The following PCDHA2 variants were observed in gnomAD, a reference collection of about 807,000 sequenced individuals.
PCDHA2 encodes protocadherin alpha-2.
PCDHA2 carries 58 observed loss-of-function variants against 66.0 expected under a neutral mutation model. That is an observed-to-expected ratio of 0.88 (90% confidence interval 0.71 to 1.09). The LOEUF (loss-of-function observed/expected upper bound fraction) is 1.09, where lower values mean the gene tolerates loss of function less well. Among genes scored for constraint, PCDHA2 ranks in the 50% least tolerant of loss-of-function variants. The pLI, the probability that PCDHA2 is intolerant of heterozygous loss-of-function variation, is 0.00. For missense variants in PCDHA2, 1,267 were observed against 1,242.3 expected, an observed-to-expected ratio of 1.02 and a Z score of -0.30; for synonymous variants, 634 against 554.0, an observed-to-expected ratio of 1.14 and a Z score of -2.03.
intron 1 of PCDHA2, chr5:140,842,575 G>A (rs2150339697): frequency 6.6e-7 from 1 of 1,509,128 alleles, no homozygotes; most frequent in South Asian, 1.2e-5. Flanking sequence ...GCGAGAGAGT[G>A]TCGGCCTATG....
At position 140,834,260 on chromosome 5, in the gene PCDHA2, C is replaced by T. The variant is rs2150214634; in HGVS notation, c.2388+36908C>T. The stretch of plus-strand genomic sequence containing the variant: ...CTTTTCGCACTGGAAAGACGCTCCA[C>T]TCTCTTTCACTCTTTGGATGCACAA... On this transcript the variant is annotated intron_variant, in intron 1 of 3. Transcript: ENST00000526136. The T allele has an allele frequency of 9.3e-6, 9 of 972,854 alleles. No homozygotes were observed. In the South Asian group the frequency reaches 1.5e-4, roughly 16 times the overall value. 60.3% of individuals were successfully genotyped at this position (972,854 alleles called of 1,614,324 possible).
At chr5:140,846,097 A>T (rs1554141144) in intron 1 of PCDHA2, among the ~76,000 whole-genome samples, 4 of 149,760 alleles carry the variant, frequency 2.7e-5, no homozygotes, top group Non-Finnish European at 1.5e-5. Flanking sequence ...CCTTCCAAGG[A>T]ATGTGTAGAC....
chr5:140,843,637 C>T (rs1289295729), intron 1 of PCDHA2: 2 of 1,595,812 alleles, frequency 1.3e-6, no homozygotes, highest in East Asian at 2.2e-5. Flanking sequence ...TCATGGCCTT[C>T]AGCCCCTGCC....
chr5:140,926,548 A>C, intron 1 of PCDHA2: 1 of 226,392 alleles, frequency 4.4e-6, no homozygotes, highest in Non-Finnish European at 8.5e-6. Flanking sequence ...GGTGGTCGAG[A>C]CCCCAGCCCG....
At chr5:140,851,790 T>A in intron 1 of PCDHA2, 1 of 955,904 alleles carries the variant, frequency 1.0e-6, no homozygotes, top group Non-Finnish European at 1.3e-6. Context: ...GAGAATTCAC[T>A]TGTTCTGTCA....
In PCDHA2 at chr5:141,010,527, G is replaced by T; in HGVS notation, c.*590G>T. On this transcript the variant is annotated 3_prime_UTR_variant, in exon 4 of 4. Transcript: ENST00000526136. ...AAATCTTACAACTCAAGAGGTGGCA[G>T]CCACCCTCTAGGAGACAAAACTACC... The T allele has an allele frequency of 2.3e-6, 1 of 431,062 alleles. No homozygotes were observed. Among genetic ancestry groups the T allele is most frequent in the African/African-American group, 2.0e-5 (1 of 49,970 alleles). 26.7% of individuals were successfully genotyped at this position (431,062 alleles called of 1,614,324 possible).
At chr5:140,818,735 G>C (rs1766429192) in intron 1 of PCDHA2, among the ~76,000 whole-genome samples, 1 of 152,168 alleles carries the variant, frequency 6.6e-6, no homozygotes, top group Non-Finnish European at 1.5e-5. Context: ...CTACTTGGGA[G>C]GCTGAAGTTG....
At position 140,999,690 on chromosome 5, in the gene PCDHA2, G is replaced by A. The variant is rs113599808; in HGVS notation, c.2537-9937G>A. Among the ~76,000 whole-genome samples the A allele has an allele frequency of 6.4e-3, 977 of 152,230 alleles. 14 individuals are homozygous for A. Among genetic ancestry groups the A allele is most frequent in the African/African-American group, 0.023 (950 of 41,554 alleles). Reference sequence around the variant, plus strand: ...CGGGGGGCTCACAGAAAGAAGAAATGTGATTTTTTTTTAGCTAACTACGGA... The same window carrying A: ...CGGGGGGCTCACAGAAAGAAGAAATATGATTTTTTTTTAGCTAACTACGGA... On this transcript the variant is annotated intron_variant, in intron 3 of 3. Coordinates refer to ENST00000526136, the MANE Select transcript of PCDHA2 (RefSeq NM_018905.3).
At chr5:140,926,829 G>A in intron 1 of PCDHA2, 1 of 1,501,192 alleles carries the variant, frequency 6.7e-7, no homozygotes, top group Middle Eastern at 2.1e-4. Context: ...CCAGGAGTCC[G>A]GAGCATGGTC....
At chr5:140,877,332 C>T (rs2057040352) in intron 1 of PCDHA2, 1 of 1,613,990 alleles carries the variant, frequency 6.2e-7, no homozygotes. Context: ...GCGCGCACAT[C>T]CCGTTCCACG....
rs1005604717 is a variant in PCDHA2, at chr5:140,796,715, C to A, written c.1751C>A (p.Ser584Ter). 2 of 1,614,032 alleles carry A rather than the reference C, an allele frequency of 1.2e-6. No individual in the cohort carries two copies. The highest frequency in any genetic ancestry group is 2.7e-5 in the African/African-American group (2 of 75,064). Residue 584 changes from serine to a stop codon, truncating the protein, a stop_gained, in exon 1 of 4, where the codon TCG becomes TAG. Coordinates refer to ENST00000526136, the MANE Select transcript of PCDHA2 (RefSeq NM_018905.3). LOFTEE classifies it high-confidence loss of function. The stretch of plus-strand genomic sequence containing the variant: ...GCAGTGAGTGAGCTGGTGCCGTGGT[C>A]GGTGGGTGCAGGGCACGTGGTGGCG... The part of the protein sequence containing the change: ...AGAVSELVPW[S>*]VGAGHVVAKV...
At chr5:140,874,713 T>C (rs976044407) in intron 1 of PCDHA2, among the ~76,000 whole-genome samples, 2 of 152,248 alleles carry the variant, frequency 1.3e-5, no homozygotes, top group Non-Finnish European at 1.5e-5. Context: ...AGAGCAGTTA[T>C]GTGAAAAGTT....
chr5:140,949,012 A>G (rs1029892336), intron 1 of PCDHA2, among the ~76,000 whole-genome samples: 11 of 151,632 alleles, frequency 7.3e-5, no homozygotes, highest in African/African-American at 2.7e-4. Flanking sequence ...TTTATATGTG[A>G]TGTTTTTATT....
In PCDHA2 at chr5:140,838,535, A is replaced by G. The variant is rs1417451596; in HGVS notation, c.2388+41183A>G. On this transcript the variant is annotated intron_variant, in intron 1 of 3. Transcript: ENST00000526136. ...ATTTGCATCTTATTTTCTTTTATGG[A>G]TATATCATGATTTATTCATCCAGTA... 2.0e-5 allele frequency among the ~76,000 whole-genome samples: 3 copies of G among 151,550 alleles called. No homozygotes were observed. The East Asian group carries it at 5.8e-4, about 29-fold the overall frequency.
chr5:141,010,696 C>A lies in PCDHA2; in HGVS notation c.*759C>A. ...AAACAGAAGCAGATCTGATGTGTTT[C>A]CTATACATGTCCTGTGCTCACTTTA... On this transcript the variant is annotated 3_prime_UTR_variant, in exon 4 of 4. Transcript: ENST00000526136. The A allele has an allele frequency of 6.3e-6, 1 of 159,082 alleles. No individual in the cohort carries two copies. The highest frequency in any genetic ancestry group is 1.4e-5 in the Non-Finnish European group (1 of 71,522). 9.9% of individuals were successfully genotyped at this position (159,082 alleles called of 1,614,324 possible).
intron 1 of PCDHA2, among the ~76,000 whole-genome samples, chr5:140,837,513 T>C (rs1414175460): frequency 1.0e-5 from 1 of 96,810 alleles, no homozygotes. Context: ...CTGAAGCAGT[T>C]TACTTTTTTT....
At chr5:140,828,586 T>A (rs1769839887) in intron 1 of PCDHA2, 1 of 1,614,124 alleles carries the variant, frequency 6.2e-7, no homozygotes, top group African/African-American at 1.3e-5. Flanking sequence ...TTGGCTCAAA[T>A]TCCATCTTAA....
At chr5:140,805,118 T>C in intron 1 of PCDHA2, 1 of 1,587,346 alleles carries the variant, frequency 6.3e-7, no homozygotes, top group Middle Eastern at 1.7e-4. Context: ...CTAACAAGAC[T>C]CTTGGCAAAG....
At position 140,794,945 on chromosome 5, in the gene PCDHA2, C is replaced by T. The variant is rs1369206087; in HGVS notation, c.-20C>T. 3.1e-6 allele frequency: 5 copies of T among 1,589,388 alleles called. No individual in the cohort carries two copies. In the South Asian group the frequency reaches 4.6e-5, roughly 14 times the overall value. The stretch of plus-strand genomic sequence containing the variant: ...GCAAAACATGCTCTTCTAATTTGAT[C>T]AAAACATTGAGGATTGGTAATGGCG... On this transcript the variant is annotated 5_prime_UTR_variant, in exon 1 of 4. Transcript: ENST00000526136.
Sources: allele counts gnomAD v4.1 joint callset (sites outside exome capture counted in the v4.1 genomes callset), GRCh38; gene constraint gnomAD v4.1.1; transcripts MANE v1.5; gene names NCBI Gene and HGNC (gene_info 2026-07-23, HGNC 2026-07-21).